Variants in USP14 observed in about 807,000 individuals in gnomAD.
USP14 encodes ubiquitin carboxyl-terminal hydrolase 14.
A neutral mutation model predicts 76.5 loss-of-function variants in USP14; 38 were observed. The observed-to-expected ratio is 0.50, with a 90% CI of 0.38 to 0.65. The LOEUF (loss-of-function observed/expected upper bound fraction) is 0.65. USP14 is among the 30% of genes least tolerant of loss of function. USP14 has a pLI of 0.00. For synonymous variants in USP14, 192 were observed against 191.7 expected (o/e 1.00, Z -0.01); for missense variants, 467 against 586.5 (o/e 0.80, Z 2.10).
At chr18:194,864 G>A (rs1910188749) in intron 6 of USP14, among the ~76,000 whole-genome samples, 1 of 152,178 alleles carries the variant, frequency 6.6e-6, no homozygotes, top group Admixed American at 6.5e-5. Flanking sequence ...CTGGGAGGCA[G>A]AGGTTACAGT....
At position 192,689 on chromosome 18, in the gene USP14, G is replaced by A. The variant is rs535777887; in HGVS notation, c.405-153G>A. 7.4e-4 allele frequency among the ~76,000 whole-genome samples: 113 copies of A among 152,260 alleles called. 1 individual carries two copies. The highest frequency in any genetic ancestry group is 2.5e-3 in the African/African-American group (104 of 41,556). On this transcript the variant is annotated intron_variant, in intron 5 of 15. Coordinates refer to ENST00000261601, the MANE Select transcript of USP14 (RefSeq NM_005151.4). Reference sequence around the variant, plus strand: ...TTTTTTTCTCCATATTTCTGGTCATGCAAGACCAGAAGAGAAGAAAAGGAA... The same window carrying A: ...TTTTTTTCTCCATATTTCTGGTCATACAAGACCAGAAGAGAAGAAAAGGAA...
rs199629513 is a variant in USP14 at position 198,069 on chromosome 18, C to T, written c.698C>T (p.Ala233Val). ...VKETDSSSAS[A>V]ATPSKKKSLI... ...CAGACAGACTCCTCATCTGCATCGG[C>T]AGCGACACCTTCTAAAAAGAAAAGT... The change falls in exon 9 of 16, where the codon GCA becomes GTA. Residue 233 changes from alanine to valine, a missense_variant. Physicochemically the swap from Ala to Val is moderately conservative, Grantham distance 64. Coordinates refer to ENST00000261601, the MANE Select transcript of USP14 (RefSeq NM_005151.4). 1 of 1,610,682 alleles carries T rather than the reference C, an allele frequency of 6.2e-7. No homozygotes were observed. The highest frequency in any genetic ancestry group is 8.5e-7 in the Non-Finnish European group (1 of 1,177,874).
chr18:162,789 G>C (rs1223136043), intron 1 of USP14, among the ~76,000 whole-genome samples: 1 of 151,146 alleles, frequency 6.6e-6, no homozygotes, highest in Non-Finnish European at 1.5e-5. Flanking sequence ...CTACTTCTCT[G>C]AAGTCTCAGT....
chr18:178,918 T>G lies in USP14; in HGVS notation c.196-15T>G, dbSNP rs753397491. 6.3e-7 allele frequency: 1 copy of G among 1,582,044 alleles called. No individual in the cohort carries two copies. The highest frequency in any genetic ancestry group is 8.6e-7 in the Non-Finnish European group (1 of 1,165,696). On this transcript the variant is annotated splice_polypyrimidine_tract_variant and intron_variant, in intron 3 of 15. Transcript: ENST00000261601. ...CTTTTAAGGATTTTCATGAAATTAC[T>G]TTTTTTAAAAACAGGGAATGACTCT...
At chr18:196,137 A>G (rs549688704) in intron 6 of USP14, among the ~76,000 whole-genome samples, 1 of 152,190 alleles carries the variant, frequency 6.6e-6, no homozygotes, top group Non-Finnish European at 1.5e-5. Flanking sequence ...CCTGGCCAAC[A>G]TGGTGAAACC....
intron 13 of USP14, among the ~76,000 whole-genome samples, chr18:206,534 G>T (rs575847): frequency 2.0e-5 from 3 of 152,100 alleles, no homozygotes; most frequent in African/African-American, 7.2e-5. Flanking sequence ...CAGAAGAAAG[G>T]TTTTTTTAAT....
chr18:174,935 C>T (rs1004134021), intron 3 of USP14, among the ~76,000 whole-genome samples: 3 of 152,004 alleles, frequency 2.0e-5, no homozygotes, highest in Non-Finnish European at 4.4e-5. Context: ...GCCACCACGC[C>T]GGACTAATTT....
At chr18:167,130 T>C (rs1360884554) in intron 3 of USP14, among the ~76,000 whole-genome samples, 2 of 151,938 alleles carry the variant, frequency 1.3e-5, no homozygotes, top group East Asian at 3.9e-4. Flanking sequence ...ACGCCTGTAA[T>C]CCTAGCTACT....
chr18:188,419 C>G (rs1189745674), intron 5 of USP14, among the ~76,000 whole-genome samples: 3 of 151,132 alleles, frequency 2.0e-5, no homozygotes, highest in Non-Finnish European at 4.4e-5. Flanking sequence ...ATATATAGCG[C>G]TGAATTTAAT....
At chr18:202,037 C>T (rs1910397066) in intron 10 of USP14, among the ~76,000 whole-genome samples, 1 of 152,164 alleles carries the variant, frequency 6.6e-6, no homozygotes, top group Admixed American at 6.5e-5. Flanking sequence ...AAAAATCAGA[C>T]TTTAAAATTA....
chr18:164,020 G>T (rs549259886), intron 2 of USP14, among the ~76,000 whole-genome samples: 3 of 152,100 alleles, frequency 2.0e-5, no homozygotes, highest in Non-Finnish European at 4.4e-5. Context: ...CATCCATGTT[G>T]CTGTAAAGGA....
chr18:176,842 A>G (rs1369438778), intron 3 of USP14, among the ~76,000 whole-genome samples: 1 of 152,032 alleles, frequency 6.6e-6, no homozygotes, highest in Non-Finnish European at 1.5e-5. Context: ...TTTTTTCTAA[A>G]GTATACAGTT....
chr18:176,092 A>G (rs980914422), intron 3 of USP14, among the ~76,000 whole-genome samples: 1 of 151,712 alleles, frequency 6.6e-6, no homozygotes, highest in Non-Finnish European at 1.5e-5. Context: ...GTATTGGCAA[A>G]TTATGATTTG....
Position 198,060 on chromosome 18 carries a change from C to T in USP14, c.689C>T (p.Ser230Phe), listed in dbSNP as rs931189586. 23 of 1,609,276 alleles carry T rather than the reference C, an allele frequency of 1.4e-5. No homozygotes were observed. The highest frequency in any genetic ancestry group is 1.6e-4 in the Middle Eastern group (1 of 6,068). The change falls in exon 9 of 16, where the codon TCT becomes TTT. Residue 230 changes from serine (S) to phenylalanine (F), a missense_variant. Ser to Phe is a radical substitution (Grantham distance 155). Transcript: ENST00000261601. ...DDSVKETDSS[S>F]ASAATPSKKK... Reference sequence around the variant, plus strand: ...TAATTTTTGCAGACAGACTCCTCATCTGCATCGGCAGCGACACCTTCTAAA... The same window carrying T: ...TAATTTTTGCAGACAGACTCCTCATTTGCATCGGCAGCGACACCTTCTAAA...
At chr18:171,025 A>AAAAAATATATATATATATATAT (rs1327304974) in intron 3 of USP14, among the ~76,000 whole-genome samples, 1 of 47,646 alleles carries the variant, frequency 2.1e-5, no homozygotes, top group Non-Finnish European at 3.7e-5. Context: ...AAAAAAAAAA[A>AAAAAATATATATATATATATAT]ATATATATAT....
In USP14 at chr18:214,366, C is replaced by A; in HGVS notation, c.*3082C>A. On this transcript the variant is annotated 3_prime_UTR_variant, in exon 16 of 16. Transcript: ENST00000261601. ...ATATCCCTAAATAGTGCTTATTTAA[C>A]TTCATTATAAATACATCTACTTAAC... is the stretch of plus-strand genomic sequence containing the variant. The A allele has an allele frequency of 2.7e-6, 1 of 364,366 alleles. No homozygotes were observed. Among genetic ancestry groups the A allele is most frequent in the Non-Finnish European group, 5.0e-6 (1 of 201,624 alleles). The allele number at this position is 364,366 out of a possible 1,614,324, so 22.6% of individuals were successfully genotyped here. A position where few individuals can be genotyped will look rare whatever the true frequency, so the allele number is the denominator to read the frequency against.
At chr18:170,374 G>A (rs1442587784) in intron 3 of USP14, among the ~76,000 whole-genome samples, 1 of 152,160 alleles carries the variant, frequency 6.6e-6, no homozygotes, top group Non-Finnish European at 1.5e-5. Flanking sequence ...GAAAGGAAGA[G>A]TTTCATGTCT....
chr18:160,928 AT>A (rs966724646), intron 1 of USP14, among the ~76,000 whole-genome samples: 1 of 150,994 alleles, frequency 6.6e-6, no homozygotes, highest in South Asian at 2.1e-4. Context: ...ATTTTATTTT[AT>A]TTTTTTTTAT....
At chr18:197,564 T>A (rs1025629316) in intron 7 of USP14, 52 bp from the exon 8 acceptor site, 1 of 1,439,850 alleles carries the variant, frequency 6.9e-7, no homozygotes. Flanking sequence ...GGAAGAACTT[T>A]GTAGATCATT....
Sources: gnomAD v4.1 joint callset for allele counts (sites outside exome capture counted in the v4.1 genomes callset) on GRCh38, gnomAD v4.1.1 for gene constraint, MANE v1.5 for transcripts, NCBI Gene and HGNC (gene_info 2026-07-23, HGNC 2026-07-21) for gene names.